NKAIN3: variants seen among roughly 807,000 people sequenced by gnomAD.
The protein encoded by NKAIN3 is sodium/potassium transporting ATPase interacting 3.
Under a neutral mutation model 30.2 loss-of-function variants are expected in NKAIN3, and 25 were observed. That is an observed-to-expected ratio of 0.83 (90% confidence interval 0.60 to 1.16). The LOEUF (loss-of-function observed/expected upper bound fraction) is 1.16. Among genes scored for constraint, NKAIN3 ranks in the 50% most tolerant of loss-of-function variants. The pLI, the probability that NKAIN3 is intolerant of heterozygous loss-of-function variation, is 0.00. For synonymous variants in NKAIN3, 91 were observed against 89.6 expected (o/e 1.02, Z -0.09); for missense variants, 225 against 254.1 (o/e 0.89, Z 0.78).
intron 1 of NKAIN3, among the ~76,000 whole-genome samples, chr8:62,476,665 C>G (rs1042893794): frequency 6.6e-6 from 1 of 152,008 alleles, no homozygotes; most frequent in African/African-American, 2.4e-5. Context: ...CCATGTTGGC[C>G]AGGGTGGTCT....
intron 3 of NKAIN3, among the ~76,000 whole-genome samples, chr8:62,623,167 T>G (rs1423827447): frequency 6.6e-6 from 1 of 152,054 alleles, no homozygotes; most frequent in African/African-American, 2.4e-5. Context: ...TGCCTATATT[T>G]CTTTGGTGAG....
At chr8:62,700,984 T>C in intron 3 of NKAIN3, among the ~76,000 whole-genome samples, 1 of 152,220 alleles carries the variant, frequency 6.6e-6, no homozygotes, top group Middle Eastern at 3.2e-3. Context: ...TCCTTTATCT[T>C]AACTGTAAAA....
At chr8:62,370,571 CA>C (rs1816876357) in intron 1 of NKAIN3, among the ~76,000 whole-genome samples, 1 of 151,836 alleles carries the variant, frequency 6.6e-6, no homozygotes, top group African/African-American at 2.4e-5. Context: ...GTACCTTGAC[CA>C]TATTTATTTT....
rs138010464 is a variant in NKAIN3, at chr8:62,640,993, G to C, written c.273+51199G>C. 7.9e-5 allele frequency among the ~76,000 whole-genome samples: 12 copies of C among 151,566 alleles called. No homozygotes were observed. In the East Asian group the frequency reaches 2.3e-3, roughly 29 times the overall value. On this transcript the variant is annotated intron_variant, in intron 3 of 6. Transcript: ENST00000623646. ...AGTCAGACACTGTGCCTGAGAAATA[G>C]AAAAGCCTCATTTATTTATTTTTTT...
chr8:62,528,226 T>C (rs1297076992), intron 1 of NKAIN3, among the ~76,000 whole-genome samples: 1 of 145,914 alleles, frequency 6.9e-6, no homozygotes, highest in Non-Finnish European at 1.5e-5. Flanking sequence ...CACTGGGGAG[T>C]ACAAGAAGAG....
In NKAIN3 at chr8:62,672,842, A is replaced by G. The variant is rs547501744; in HGVS notation, c.274-74090A>G. ...TTTAAAGTTTAATTCTATACAGTCA[A>G]TTTTATCTAAAAAAATTGATTTTTT... On this transcript the variant is annotated intron_variant, in intron 3 of 6. Coordinates refer to ENST00000623646, the MANE Select transcript of NKAIN3 (RefSeq NM_001304533.3). 2.4e-3 allele frequency among the ~76,000 whole-genome samples: 365 copies of G among 152,266 alleles called. 1 individual carries two copies. The highest frequency in any genetic ancestry group is 3.8e-3 in the Non-Finnish European group (261 of 68,012).
At chr8:62,439,378 G>A (rs1023681512) in intron 1 of NKAIN3, among the ~76,000 whole-genome samples, 3 of 152,156 alleles carry the variant, frequency 2.0e-5, no homozygotes, top group African/African-American at 7.2e-5. Context: ...TTCTCTGCTA[G>A]CATAATTTTG....
intron 3 of NKAIN3, among the ~76,000 whole-genome samples, chr8:62,694,363 A>G (rs1814087151): frequency 6.6e-6 from 1 of 152,240 alleles, no homozygotes; most frequent in African/African-American, 2.4e-5. Context: ...ATAGGATGTC[A>G]TTCAGCCACA....
At chr8:62,357,201 G>C (rs1816390346) in intron 1 of NKAIN3, among the ~76,000 whole-genome samples, 1 of 152,124 alleles carries the variant, frequency 6.6e-6, no homozygotes, top group Admixed American at 6.6e-5. Context: ...GAGGCCAGGA[G>C]TTTGAGAACA....
intron 4 of NKAIN3, among the ~76,000 whole-genome samples, chr8:62,749,574 C>T (rs1331845821): frequency 6.6e-6 from 1 of 151,902 alleles, no homozygotes; most frequent in African/African-American, 2.4e-5. Flanking sequence ...TCACAACTAT[C>T]CAATTATGTA....
chr8:62,589,927 A>G, intron 3 of NKAIN3, 133 bp downstream of exon 3: 2 of 474,900 alleles, frequency 4.2e-6, no homozygotes, highest in African/African-American at 4.0e-5. Context: ...ATAGAATGAT[A>G]AAATACTATT....
chr8:62,500,469 G>GA (rs1563427405), intron 1 of NKAIN3, among the ~76,000 whole-genome samples: 1 of 119,320 alleles, frequency 8.4e-6, no homozygotes, highest in African/African-American at 3.3e-5. Flanking sequence ...AAGAAAGAAA[G>GA]AAAGAAAGAA....
At chr8:62,889,420 C>T (rs1180718538) in intron 4 of NKAIN3, among the ~76,000 whole-genome samples, 1 of 151,746 alleles carries the variant, frequency 6.6e-6, no homozygotes, top group African/African-American at 2.4e-5. Flanking sequence ...ACTTGTTGAA[C>T]ATCATAAGAG....
intron 3 of NKAIN3, among the ~76,000 whole-genome samples, chr8:62,695,788 T>C (rs112444833): frequency 0.013 from 1,987 of 152,298 alleles, 28 homozygotes; most frequent in Non-Finnish European, 0.021. Flanking sequence ...CTCAGAATTG[T>C]CGACTGCGTG....
chr8:62,485,288 G>A (rs370383393), intron 1 of NKAIN3, among the ~76,000 whole-genome samples: 4 of 152,268 alleles, frequency 2.6e-5, no homozygotes, highest in South Asian at 2.1e-4. Context: ...ATCCATTCTC[G>A]AGAGGCTTTA....
chr8:62,562,869 T>G (rs1196593186), intron 1 of NKAIN3, among the ~76,000 whole-genome samples: 2 of 152,144 alleles, frequency 1.3e-5, no homozygotes, highest in African/African-American at 4.8e-5. Flanking sequence ...TCCTTGCAGG[T>G]GGTCTCTATC....
intron 3 of NKAIN3, among the ~76,000 whole-genome samples, chr8:62,744,936 A>G (rs777610709): frequency 6.6e-6 from 1 of 152,256 alleles, no homozygotes; most frequent in African/African-American, 2.4e-5. Flanking sequence ...AATTTGAGGC[A>G]TACTTATAAT....
At chr8:62,851,064 A>C (rs1184298698) in intron 4 of NKAIN3, among the ~76,000 whole-genome samples, 18 of 151,768 alleles carry the variant, frequency 1.2e-4, no homozygotes, top group Admixed American at 2.0e-4. Context: ...CCATTTTCAC[A>C]ATATTGATTC....
At chr8:62,855,947 C>T (rs1333228960) in intron 4 of NKAIN3, 6 of 730,738 alleles carry the variant, frequency 8.2e-6, no homozygotes, top group South Asian at 5.9e-5. Context: ...TGTCCAGACA[C>T]TTTATGTGCA....
Sources: allele counts gnomAD v4.1 joint callset (sites outside exome capture counted in the v4.1 genomes callset), GRCh38; gene constraint gnomAD v4.1.1; transcripts MANE v1.5; gene names NCBI Gene and HGNC (gene_info 2026-07-23, HGNC 2026-07-21).